The following ARHGAP32 variants were observed in gnomAD, a reference collection of about 807,000 sequenced individuals.
The protein encoded by ARHGAP32 is Rho GTPase activating protein 32.
In ARHGAP32, 51 loss-of-function variants were observed where a neutral mutation model predicts 186.5. That is an observed-to-expected ratio of 0.27 (90% CI 0.22 to 0.35). ARHGAP32 has a LOEUF of 0.35. ARHGAP32 is among the 10% of genes least tolerant of loss of function. The pLI is 1.00. For synonymous variants in ARHGAP32, 950 were observed against 964.3 expected, an observed-to-expected ratio of 0.99 and a Z score of 0.27; for missense variants, 2,186 against 2,623.5, an observed-to-expected ratio of 0.83 and a Z score of 3.64.
At chr11:129,235,142 C>A (rs965652344) in intron 1 of ARHGAP32, among the ~76,000 whole-genome samples, 1 of 152,112 alleles carries the variant, frequency 6.6e-6, no homozygotes, top group Admixed American at 6.6e-5. Flanking sequence ...GGGAGTGTGG[C>A]CCTGCTGACA....
At chr11:129,006,140 C>G (rs1289013772) in intron 11 of ARHGAP32, among the ~76,000 whole-genome samples, 2 of 152,058 alleles carry the variant, frequency 1.3e-5, no homozygotes, top group Non-Finnish European at 2.9e-5. Flanking sequence ...TTCTGTGTTA[C>G]CTTGAATTTC....
intron 1 of ARHGAP32, among the ~76,000 whole-genome samples, chr11:129,174,307 G>A (rs1055224750): frequency 2.6e-5 from 4 of 152,158 alleles, no homozygotes; most frequent in Non-Finnish European, 5.9e-5. Context: ...ACGGAGTCTC[G>A]CTGATTGCTA....
intron 19 of ARHGAP32, among the ~76,000 whole-genome samples, chr11:128,977,621 A>G (rs1945583537): frequency 6.6e-6 from 1 of 152,146 alleles, no homozygotes; most frequent in South Asian, 2.1e-4. Flanking sequence ...TTTCCTAACC[A>G]CTAGTCCCTC....
At chr11:129,076,378 C>A (rs1941044279) in intron 6 of ARHGAP32, among the ~76,000 whole-genome samples, 1 of 152,176 alleles carries the variant, frequency 6.6e-6, no homozygotes, top group African/African-American at 2.4e-5. Context: ...TCCCCAAATT[C>A]TTTCTTGTGC....
At chr11:129,067,786 A>C (rs1201589185) in intron 6 of ARHGAP32, among the ~76,000 whole-genome samples, 1 of 152,076 alleles carries the variant, frequency 6.6e-6, no homozygotes, top group African/African-American at 2.4e-5. Flanking sequence ...CAGTTCCTCC[A>C]TCTGCCCCAG....
In ARHGAP32 at chr11:129,259,066, C is replaced by T. The variant is rs140949284; in HGVS notation, c.-5+20080G>A. ...CTACCTAAAAGTATATGAAATAATA[C>T]GCACAAATGCATTACTGATGGGAAA... On this transcript the variant is annotated intron_variant, in intron 1 of 6. Transcript: ENST00000525234. 1.1e-4 allele frequency among the ~76,000 whole-genome samples: 16 copies of T among 152,208 alleles called. No homozygotes were observed. The East Asian group carries it at 2.3e-3, about 22-fold the overall frequency.
chr11:129,193,694 T>G (rs1238235341), upstream of ARHGAP32, among the ~76,000 whole-genome samples: 1 of 30,290 alleles, frequency 3.3e-5, no homozygotes, highest in Non-Finnish European at 6.1e-5. Flanking sequence ...ATATATTATA[T>G]AATATATAAT....
At chr11:128,996,423 A>G (rs951911861) in intron 12 of ARHGAP32, among the ~76,000 whole-genome samples, 8 of 152,134 alleles carry the variant, frequency 5.3e-5, no homozygotes, top group Non-Finnish European at 1.2e-4. Context: ...GTTATTTTTC[A>G]TTATATGAAA....
intron 1 of ARHGAP32, among the ~76,000 whole-genome samples, chr11:129,169,155 T>C (rs112842260): frequency 1.3e-5 from 2 of 151,972 alleles, no homozygotes; most frequent in Non-Finnish European, 2.9e-5. Flanking sequence ...AATGTTTAAA[T>C]AACAAATCAA....
At chr11:129,265,207 C>T (rs1318707412) in intron 1 of ARHGAP32, among the ~76,000 whole-genome samples, 2 of 152,146 alleles carry the variant, frequency 1.3e-5, no homozygotes, top group East Asian at 1.9e-4. Context: ...TCATGTCTCT[C>T]GTGCATTCTA....
In ARHGAP32 at chr11:129,164,157, C is replaced by T. The variant is rs940877647; in HGVS notation, c.225+162G>A. 1.3e-5 allele frequency among the ~76,000 whole-genome samples: 2 copies of T among 152,072 alleles called. 1 individual carries two copies. Among genetic ancestry groups the T allele is most frequent in the South Asian group, 4.1e-4 (2 of 4,822 alleles). ...CCTATTACTCTGCCCACAGACTCTACGACAGTGCCAAGTATACAGTATTCA... is the reference window on the plus strand; with the variant it reads ...CCTATTACTCTGCCCACAGACTCTATGACAGTGCCAAGTATACAGTATTCA... On this transcript the variant is annotated intron_variant, in intron 2 of 22. Transcript: ENST00000682385.
chr11:129,247,242 T>C (rs34364725), intron 1 of ARHGAP32, among the ~76,000 whole-genome samples: 2 of 151,880 alleles, frequency 1.3e-5, no homozygotes, highest in Non-Finnish European at 1.5e-5. Context: ...GTTTACATGC[T>C]AAAAGTATAA....
At position 128,972,502 on chromosome 11, in the gene ARHGAP32, A is replaced by C. The variant is rs759744257; in HGVS notation, c.4004T>G (p.Val1335Gly). The change falls in exon 22 of 23, where the codon GTG becomes GGG. Residue 1335 changes from valine (V) to glycine (G), a missense_variant. Physicochemically the swap from Val to Gly is moderately radical, Grantham distance 109 (BLOSUM62 -3). This residue lies in a region of ARHGAP32 where 1,502 missense variants were observed against 1,570.0 expected (regional missense o/e 0.96). Coordinates refer to ENST00000682385, the MANE Select transcript of ARHGAP32 (RefSeq NM_001378024.1). Reference sequence around the variant, plus strand: ...ATTGGTTGCTGCTTGTACCTGCCCCACAACTGGTGGCTGCTCTGCAGATCT... The same window carrying C: ...ATTGGTTGCTGCTTGTACCTGCCCCCCAACTGGTGGCTGCTCTGCAGATCT... ...SQRSAEQPPV[V>G]GQVQAATNIG... The C allele has an allele frequency of 6.5e-7, 1 of 1,533,606 alleles. No individual in the cohort carries two copies. The highest frequency in any genetic ancestry group is 8.8e-7 in the Non-Finnish European group (1 of 1,141,060). 95.0% of individuals were successfully genotyped at this position (1,533,606 alleles called of 1,614,324 possible).
intron 10 of ARHGAP32, among the ~76,000 whole-genome samples, chr11:129,059,210 CCTTCA>C (rs1940389766): frequency 1.3e-5 from 2 of 152,156 alleles, no homozygotes; most frequent in Admixed American, 1.3e-4. Context: ...GTCCCTACTC[CCTTCA>C]CTTAACTGAC....
intron 11 of ARHGAP32, among the ~76,000 whole-genome samples, chr11:129,016,526 G>T (rs571858551): frequency 6.6e-5 from 10 of 152,152 alleles, no homozygotes; most frequent in Admixed American, 5.2e-4. Context: ...TCACTGAATT[G>T]TAAGACTGAT....
chr11:128,974,314 A>G lies in ARHGAP32; in HGVS notation c.2883T>C (p.Asp961=). 1 of 1,614,148 alleles carries G rather than the reference A, an allele frequency of 6.2e-7. No homozygotes were observed. The highest frequency in any genetic ancestry group is 8.5e-7 in the Non-Finnish European group (1 of 1,180,036). Residue 961 remains aspartate, a synonymous_variant, in exon 21 of 23, where the codon GAT becomes GAC. Transcript: ENST00000682385. ...TCTGGGTGGGGGATCTATTTGTGGC[A>G]TCCCTTTCTTCAACGCATTTGTCCC... The part of the protein sequence containing the change: ...STWDKCVEER[D]ATNRSPTQIV...
chr11:129,193,548 T>TC (rs1565464463), upstream of ARHGAP32, among the ~76,000 whole-genome samples: 1 of 46,460 alleles, frequency 2.2e-5, no homozygotes, highest in African/African-American at 1.1e-4. Flanking sequence ...ATATTATATA[T>TC]AATATATATA....
At chr11:129,086,656 C>A (rs1591601595) in intron 6 of ARHGAP32, among the ~76,000 whole-genome samples, 1 of 151,974 alleles carries the variant, frequency 6.6e-6, no homozygotes, top group Admixed American at 6.6e-5. Context: ...CCTGTCTCTA[C>A]TAAAAATACA....
Position 129,124,912 on chromosome 11 carries a change from A to T in ARHGAP32, c.226-18T>A. ...CCTCTTGCCTTAAAAAATAAAGACA[A>T]AATATTTATGGCTATTACTTTAGTA... On this transcript the variant is annotated intron_variant, in intron 2 of 22. Transcript: ENST00000682385. 6.4e-7 allele frequency: 1 copy of T among 1,574,676 alleles called. No individual in the cohort carries two copies. Among genetic ancestry groups the T allele is most frequent in the East Asian group, 2.2e-5 (1 of 44,506 alleles).
Sources: gnomAD v4.1 joint callset for allele counts (sites outside exome capture counted in the v4.1 genomes callset) on GRCh38, gnomAD v4.1.1 for gene constraint, gnomAD v4.1.1 regional missense constraint, MANE v1.5 for transcripts, NCBI Gene and HGNC (gene_info 2026-07-23, HGNC 2026-07-21) for gene names.